FAM180A: variants seen among roughly 807,000 people sequenced by gnomAD.
The protein encoded by FAM180A is family with sequence similarity 180 member A.
FAM180A carries 14 observed loss-of-function variants against 15.3 expected under a neutral mutation model. That is an observed-to-expected ratio of 0.92 (90% CI 0.61 to 1.43). The LOEUF is 1.43. Among genes scored for constraint, FAM180A ranks in the 40% most tolerant of loss-of-function variants. The pLI, the probability that FAM180A is intolerant of heterozygous loss-of-function variation, is 0.00. For synonymous variants in FAM180A, 90 were observed against 96.8 expected (o/e 0.93, Z 0.41); for missense variants, 200 against 220.8 (o/e 0.91, Z 0.60).
Position 135,736,560 on chromosome 7 carries a change from C to T in FAM180A, c.177+539G>A, listed in dbSNP as rs75024103. Among the ~76,000 whole-genome samples, 304 of 152,314 alleles carry T rather than the reference C, an allele frequency of 2.0e-3. 2 individuals carry two copies. The highest frequency in any genetic ancestry group is 7.0e-3 in the African/African-American group (291 of 41,570). The stretch of plus-strand genomic sequence containing the variant: ...AACACTGAACCAATCTGGGCAGCCT[C>T]GGGAAATTGACCCTGTGGTTTGGAG... On this transcript the variant is annotated intron_variant, in intron 2 of 3. Transcript: ENST00000338588.
chr7:135,733,939 G>A lies in FAM180A; in HGVS notation c.*36C>T. ...TGAAGACTTTCTGGATTACTGTGCT[G>A]GTCCCTGCTCTGAGGTCCTGGTGTG... On this transcript the variant is annotated 3_prime_UTR_variant, in exon 3 of 4. Coordinates refer to ENST00000338588, the MANE Select transcript of FAM180A (RefSeq NM_205855.4). 1 of 1,540,374 alleles carries A rather than the reference G, an allele frequency of 6.5e-7. No homozygotes were observed. The highest frequency in any genetic ancestry group is 8.7e-7 in the Non-Finnish European group (1 of 1,145,706).
At chr7:135,745,948 A>G (rs1196813151) in intron 1 of FAM180A, among the ~76,000 whole-genome samples, 3 of 151,996 alleles carry the variant, frequency 2.0e-5, no homozygotes, top group Admixed American at 6.6e-5. Flanking sequence ...TGTGACTCCT[A>G]TTCAGTCTTG....
chr7:135,729,650 A>G lies in FAM180A; in HGVS notation c.*961T>C. The G allele has an allele frequency of 1.0e-6, 1 of 983,498 alleles. No individual in the cohort carries two copies. The highest frequency in any genetic ancestry group is 1.2e-6 in the Non-Finnish European group (1 of 828,104). The allele number at this position is 983,498 out of a possible 1,614,324, so 60.9% of individuals were successfully genotyped here. A position where few individuals can be genotyped will look rare whatever the true frequency, so the allele number is the denominator to read the frequency against. ...TATACCATAGATGAATATTTGTTAAATAAAAATAGGTACAGCAAGTGTACA... is the reference window on the plus strand; with the variant it reads ...TATACCATAGATGAATATTTGTTAAGTAAAAATAGGTACAGCAAGTGTACA... On this transcript the variant is annotated 3_prime_UTR_variant, in exon 4 of 4. Coordinates refer to ENST00000338588, the MANE Select transcript of FAM180A (RefSeq NM_205855.4).
chr7:135,739,633 C>T (rs1439116200), intron 1 of FAM180A, among the ~76,000 whole-genome samples: 2 of 139,968 alleles, frequency 1.4e-5, no homozygotes, highest in South Asian at 2.3e-4. Context: ...CAAAAAAAGG[C>T]AGGGAAGGAT....
intron 1 of FAM180A, among the ~76,000 whole-genome samples, chr7:135,744,484 CT>C (rs1465654168): frequency 3.3e-5 from 5 of 152,306 alleles, no homozygotes; most frequent in African/African-American, 1.2e-4. Context: ...TTTTTGACTC[CT>C]GGGCCAGCCC....
intron 1 of FAM180A, among the ~76,000 whole-genome samples, chr7:135,739,337 G>A (rs367865357): frequency 2.7e-5 from 4 of 149,806 alleles, no homozygotes; most frequent in East Asian, 2.0e-4. Flanking sequence ...AATGCTGGGC[G>A]CGGTGGCTCA....
chr7:135,733,340 T>A (rs980855560), intron 3 of FAM180A, among the ~76,000 whole-genome samples: 2 of 152,180 alleles, frequency 1.3e-5, no homozygotes, highest in African/African-American at 4.8e-5. Flanking sequence ...CACTCTTTTT[T>A]AAATTTATTT....
intron 2 of FAM180A, among the ~76,000 whole-genome samples, chr7:135,736,021 C>CTT (rs1194298118): frequency 1.5e-5 from 2 of 134,560 alleles, no homozygotes; most frequent in Non-Finnish European, 3.2e-5. Flanking sequence ...TCTTTCTTTT[C>CTT]TTTTTTTTTT....
rs117956027 is a variant in FAM180A at position 135,729,709 on chromosome 7, C to T, written c.*902G>A. The T allele has an allele frequency of 1.0e-6, 1 of 985,288 alleles. No individual in the cohort carries two copies. Among genetic ancestry groups the T allele is most frequent in the East Asian group, 1.1e-4 (1 of 8,816 alleles). 61.0% of individuals were successfully genotyped at this position (985,288 alleles called of 1,614,324 possible). A position where few individuals can be genotyped will look rare whatever the true frequency, so the allele number is the denominator to read the frequency against. Reference sequence around the variant, plus strand: ...AGTAGTTCTCCTTCAGAACTCTACCCATTTTTCAGAGGAAGGAAACACTTT... The same window carrying T: ...AGTAGTTCTCCTTCAGAACTCTACCTATTTTTCAGAGGAAGGAAACACTTT... On this transcript the variant is annotated 3_prime_UTR_variant, in exon 4 of 4. Transcript: ENST00000338588.
Position 135,733,803 on chromosome 7 carries a change from T to C in FAM180A, c.*172A>G. Reference sequence around the variant, plus strand: ...CACATGATGGCATGAATCAGATGTGTCTTCCAGGAAACTACAAGGAGAAAA... The same window carrying C: ...CACATGATGGCATGAATCAGATGTGCCTTCCAGGAAACTACAAGGAGAAAA... On this transcript the variant is annotated 3_prime_UTR_variant, in exon 3 of 4. Coordinates refer to ENST00000338588, the MANE Select transcript of FAM180A (RefSeq NM_205855.4). 2 of 1,398,548 alleles carry C rather than the reference T, an allele frequency of 1.4e-6. No individual in the cohort carries two copies. The highest frequency in any genetic ancestry group is 1.8e-6 in the Non-Finnish European group (2 of 1,081,494). 86.6% of individuals were successfully genotyped at this position (1,398,548 alleles called of 1,614,324 possible).
intron 1 of FAM180A, among the ~76,000 whole-genome samples, chr7:135,747,784 G>T (rs982961962): frequency 6.6e-6 from 1 of 152,108 alleles, no homozygotes; most frequent in Admixed American, 6.5e-5. Context: ...CAGTGCCGTG[G>T]GTCCCTCCTT....
chr7:135,742,752 A>G (rs1796970020), intron 1 of FAM180A, among the ~76,000 whole-genome samples: 1 of 152,262 alleles, frequency 6.6e-6, no homozygotes, highest in Non-Finnish European at 1.5e-5. Flanking sequence ...TGTGGAGCTC[A>G]GATATAATAA....
chr7:135,735,587 A>G (rs922783462), intron 2 of FAM180A, among the ~76,000 whole-genome samples: 2 of 152,178 alleles, frequency 1.3e-5, no homozygotes, highest in Non-Finnish European at 2.9e-5. Flanking sequence ...ATCTCTTCGT[A>G]TGACTCCCAT....
At position 135,733,693 on chromosome 7, in the gene FAM180A, T is replaced by A; in HGVS notation, c.*282A>T. 1 of 1,228,776 alleles carries A rather than the reference T, an allele frequency of 8.1e-7. No homozygotes were observed. The highest frequency in any genetic ancestry group is 1.0e-6 in the Non-Finnish European group (1 of 983,560). 76.1% of individuals were successfully genotyped at this position (1,228,776 alleles called of 1,614,324 possible). ...GGCCACTGCTCTGGGTTGAAGCATA[T>A]CAGAATTCTGCCTGCCATAGGCAAA... On this transcript the variant is annotated 3_prime_UTR_variant, in exon 3 of 4. Coordinates refer to ENST00000338588, the MANE Select transcript of FAM180A (RefSeq NM_205855.4).
Position 135,748,606 on chromosome 7 carries a change from G to C in FAM180A, c.-26C>G, listed in dbSNP as rs775476373. ...CTTGTCCTTCAAAAGGTGAAAAATC[G>C]ACCCTCAAGCCCAGTGGAACCCCAG... On this transcript the variant is annotated 5_prime_UTR_variant, in exon 1 of 4. Transcript: ENST00000338588. 3 of 1,599,472 alleles carry C rather than the reference G, an allele frequency of 1.9e-6. No individual in the cohort carries two copies. Among genetic ancestry groups the C allele is most frequent in the Non-Finnish European group, 8.6e-7 (1 of 1,167,004 alleles).
intron 3 of FAM180A, 88 bp downstream of exon 3, chr7:135,733,558 G>T: frequency 2.9e-6 from 2 of 681,706 alleles, no homozygotes; most frequent in Non-Finnish European, 3.6e-6. Context: ...TGTTGCCCAG[G>T]CTGGTCTTGA....
In FAM180A at chr7:135,734,161, G is replaced by A. The variant is rs1247455611; in HGVS notation, c.336C>T (p.Ser112=). 1 of 1,614,086 alleles carries A rather than the reference G, an allele frequency of 6.2e-7. No individual in the cohort carries two copies. Among genetic ancestry groups the A allele is most frequent in the Non-Finnish European group, 8.5e-7 (1 of 1,180,050 alleles). The change falls in exon 3 of 4, where the codon TCC becomes TCT. Residue 112 remains serine, a synonymous_variant. Coordinates refer to ENST00000338588, the MANE Select transcript of FAM180A (RefSeq NM_205855.4). The stretch of plus-strand genomic sequence containing the variant: ...CTTTCTTGAGGATGCCAGGGTGGCT[G>A]GAGAGGCTGGCGCTGAGCCGGCGGA... ...PDIRRLSASL[S]SHPGILKKED...
chr7:135,736,607 G>T (rs1170667014), intron 2 of FAM180A, among the ~76,000 whole-genome samples: 1 of 152,244 alleles, frequency 6.6e-6, no homozygotes, highest in Non-Finnish European at 1.5e-5. Context: ...TCTCAGTGAT[G>T]CAAGATGAGA....
At chr7:135,731,684 G>A (rs1796784404) in intron 3 of FAM180A, among the ~76,000 whole-genome samples, 1 of 152,212 alleles carries the variant, frequency 6.6e-6, no homozygotes, top group African/African-American at 2.4e-5. Flanking sequence ...GAATGAGAAA[G>A]AGAAACTGAG....
Sources: gnomAD v4.1 joint callset for allele counts (sites outside exome capture counted in the v4.1 genomes callset) on GRCh38, gnomAD v4.1.1 for gene constraint, MANE v1.5 for transcripts, NCBI Gene and HGNC (gene_info 2026-07-23, HGNC 2026-07-21) for gene names.